Variants in ZNF721 observed in about 807,000 individuals in gnomAD.
ZNF721 encodes zinc finger protein 721.
Under a neutral mutation model 2.4 loss-of-function variants are expected in ZNF721, and 2 were observed. That is an observed-to-expected ratio of 0.82 (90% CI 0.34 to 2.58). The LOEUF is 2.58. ZNF721 is among the 30% of genes most tolerant of loss of function. The probability of loss-of-function intolerance (pLI) is 0.11; values close to 1 mark genes in which losing one functional copy is unlikely to be tolerated. For missense variants in ZNF721, 1,187 were observed against 1,085.5 expected (o/e 1.09, Z -1.31); for synonymous variants, 398 against 381.8 (o/e 1.04, Z -0.50).
At chr4:486,077 G>T (rs1553870273) in intron 1 of ZNF721, among the ~76,000 whole-genome samples, 1 of 152,058 alleles carries the variant, frequency 6.6e-6, no homozygotes, top group Non-Finnish European at 1.5e-5. Flanking sequence ...TGCACAGCAG[G>T]CTATTCTAAT....
intron 1 of ZNF721, among the ~76,000 whole-genome samples, chr4:482,081 CAT>C (rs1553869612): frequency 6.6e-6 from 1 of 152,218 alleles, no homozygotes; most frequent in Non-Finnish European, 1.5e-5. Context: ...GTAAAGGTCA[CAT>C]ATGACTGTGA....
chr4:448,019 T>C (rs1714531921), intron 2 of ZNF721, among the ~76,000 whole-genome samples: 1 of 152,032 alleles, frequency 6.6e-6, no homozygotes, highest in Non-Finnish European at 1.5e-5. Flanking sequence ...AGATAAAATA[T>C]TCATAAGGAA....
chr4:475,876 T>C (rs1053016362), intron 1 of ZNF721, among the ~76,000 whole-genome samples: 11 of 152,158 alleles, frequency 7.2e-5, no homozygotes, highest in African/African-American at 2.7e-4. Context: ...AAGCCCCTTG[T>C]TCTCCCGTTA....
chr4:491,313 G>C (rs1716014256), intron 1 of ZNF721, among the ~76,000 whole-genome samples: 1 of 152,146 alleles, frequency 6.6e-6, no homozygotes, highest in Non-Finnish European at 1.5e-5. Flanking sequence ...AGCTACTCAG[G>C]AGGCTGAGGC....
chr4:486,159 TCTTTTC>T (rs1560243712), intron 1 of ZNF721, among the ~76,000 whole-genome samples: 5 of 144,210 alleles, frequency 3.5e-5, no homozygotes, highest in Non-Finnish European at 4.6e-5. Flanking sequence ...CTTTTTTTTT[TCTTTTC>T]TTTTTTTTTT....
chr4:456,736 G>A (rs1231950485), intron 2 of ZNF721, among the ~76,000 whole-genome samples: 4 of 152,146 alleles, frequency 2.6e-5, no homozygotes, highest in African/African-American at 4.8e-5. Context: ...AAAATTAGCT[G>A]GGCGTGGTAG....
chr4:479,248 TAG>T (rs781840495), intron 1 of ZNF721, among the ~76,000 whole-genome samples: 4 of 152,068 alleles, frequency 2.6e-5, no homozygotes, highest in Non-Finnish European at 4.4e-5. Flanking sequence ...CAACCCTGGT[TAG>T]AGTGTGGGGA....
chr4:493,692 A>G (rs1716081626), intron 1 of ZNF721, among the ~76,000 whole-genome samples: 1 of 152,016 alleles, frequency 6.6e-6, no homozygotes, highest in South Asian at 2.1e-4. Flanking sequence ...CGCAAAAAAA[A>G]AAAAAAAAAG....
intron 2 of ZNF721, among the ~76,000 whole-genome samples, chr4:467,807 G>A (rs944469241): frequency 1.3e-5 from 2 of 152,192 alleles, no homozygotes; most frequent in African/African-American, 4.8e-5. Flanking sequence ...GTGGCCACTC[G>A]TACACACTCA....
intron 1 of ZNF721, among the ~76,000 whole-genome samples, chr4:497,750 T>C (rs1418436685): frequency 4.6e-4 from 63 of 135,968 alleles, no homozygotes; most frequent in African/African-American, 1.6e-3. Flanking sequence ...AAAAAAAAAT[T>C]TGACGGGCGT....
At chr4:458,317 T>C (rs12186156) in intron 2 of ZNF721, among the ~76,000 whole-genome samples, 22,611 of 152,190 alleles carry the variant, frequency 0.15, 2,325 homozygotes, top group African/African-American at 0.29. Context: ...GCAGACCCAG[T>C]AGGACTTATG....
chr4:441,734 A>C lies in ZNF721; in HGVS notation c.2733T>G (p.His911Gln). The change falls in exon 3 of 3, where the codon CAT (histidine) becomes CAG (glutamine). Residue 911 changes from histidine (H) to glutamine (Q), a missense_variant. Physicochemically the swap from His to Gln is conservative, Grantham distance 24. Coordinates refer to ENST00000511833, the MANE Select transcript of ZNF721 (RefSeq NM_133474.4). ...TTTTATCTCCAGTATGAATTTTCTT[A>C]TGTGCATAAAGATTTGCAGACTGTC... ...TFRQSANLYA[H>Q]KKIHTGDKTI... 1.2e-6 allele frequency: 2 copies of C among 1,612,920 alleles called. No individual in the cohort carries two copies. Among genetic ancestry groups the C allele is most frequent in the Middle Eastern group, 1.7e-4 (1 of 6,056 alleles).
intron 2 of ZNF721, among the ~76,000 whole-genome samples, chr4:456,561 A>G (rs1054668434): frequency 6.6e-6 from 1 of 152,188 alleles, no homozygotes. Flanking sequence ...AAAGGTACAG[A>G]GTTGAAAATT....
intron 1 of ZNF721, among the ~76,000 whole-genome samples, chr4:491,310 C>T (rs1196877282): frequency 1.3e-5 from 2 of 151,332 alleles, no homozygotes; most frequent in East Asian, 2.0e-4. Flanking sequence ...CCTAGCTACT[C>T]AGGAGGCTGA....
rs114469809 is a variant in ZNF721, at chr4:453,098, G to C, written c.35-8666C>G. On this transcript the variant is annotated intron_variant, in intron 2 of 2. Transcript: ENST00000511833. ...CAGAAACATGCCTGGTTTACTAATG[G>C]ACCACCAAATACACTGGTGGCACTC... is the stretch of plus-strand genomic sequence containing the variant. Among the ~76,000 whole-genome samples the C allele has an allele frequency of 3.7e-3, 556 of 152,276 alleles. 5 individuals carry two copies. Among genetic ancestry groups the C allele is most frequent in the Middle Eastern group, 0.02 (6 of 294 alleles).
rs1295914713 is a variant in ZNF721, at chr4:441,851, T to C, written c.2616A>G (p.Lys872=). The C allele has an allele frequency of 5.0e-6, 8 of 1,613,934 alleles. No homozygotes were observed. The highest frequency in any genetic ancestry group is 5.1e-6 in the Non-Finnish European group (6 of 1,180,012). The change falls in exon 3 of 3, where the codon AAA becomes AAG. Residue 872 remains lysine (K), a synonymous_variant. Transcript: ENST00000511833. ...AAAGATTTGCAGACTGTCTAAAGGT[T>C]TTGCCACATTCTCCACATGTGTAGG... ...EKPYTCGECG[K]TFRQSANLYA... is the part of the protein sequence containing the mutation.
rs1553863865 is a variant in ZNF721 at position 444,153 on chromosome 4, C to A, written c.314G>T (p.Gly105Val). 6.2e-7 allele frequency: 1 copy of A among 1,614,116 alleles called. No homozygotes were observed. Among genetic ancestry groups the A allele is most frequent in the East Asian group, 2.2e-5 (1 of 44,878 alleles). ...TTCGTTACATTTAAAGTGTTTCTCTCCAGTATGTCTTGTCTTATCTTTGTT... is the reference window on the plus strand; with the variant it reads ...TTCGTTACATTTAAAGTGTTTCTCTACAGTATGTCTTGTCTTATCTTTGTT... The part of the protein sequence containing the change: ...NSNKDKTRHT[G>V]EKHFKCNECG... The change falls in exon 3 of 3, where the codon GGA becomes GTA. Residue 105 changes from glycine to valine, a missense_variant. By Grantham distance (109) the Gly-to-Val change is moderately radical. Transcript: ENST00000511833.
intron 2 of ZNF721, among the ~76,000 whole-genome samples, chr4:469,508 G>A (rs186890318): frequency 2.0e-5 from 3 of 152,260 alleles, no homozygotes; most frequent in African/African-American, 7.2e-5. Context: ...TATCGAAAGT[G>A]ATTTGTAGAT....
intron 2 of ZNF721, among the ~76,000 whole-genome samples, chr4:461,862 G>T (rs1715081981): frequency 6.6e-6 from 1 of 152,264 alleles, no homozygotes; most frequent in Non-Finnish European, 1.5e-5. Flanking sequence ...GACAAAGCAA[G>T]ACTCCATCTC....
Sources: gnomAD v4.1 joint callset for allele counts (sites outside exome capture counted in the v4.1 genomes callset) on GRCh38, gnomAD v4.1.1 for gene constraint, MANE v1.5 for transcripts, NCBI Gene and HGNC (gene_info 2026-07-23, HGNC 2026-07-21) for gene names.